HS6ST3: variants seen among roughly 807,000 people sequenced by gnomAD.
HS6ST3 encodes the protein heparan-sulfate 6-O-sulfotransferase 3.
Under a neutral mutation model 36.7 loss-of-function variants are expected in HS6ST3, and 12 were observed. The observed-to-expected ratio is 0.33, with a 90% CI of 0.21 to 0.53. The LOEUF (loss-of-function observed/expected upper bound fraction) is 0.53, where lower values mean the gene tolerates loss of function less well. Among genes scored for constraint, HS6ST3 ranks in the 20% least tolerant of loss-of-function variants. HS6ST3 has a pLI of 0.95. For synonymous variants in HS6ST3, 240 were observed against 257.5 expected (o/e 0.93, Z 0.65); for missense variants, 584 against 640.9 (o/e 0.91, Z 0.96).
chr13:96,168,472 G>A (rs78032617), intron 1 of HS6ST3, among the ~76,000 whole-genome samples: 3,816 of 152,102 alleles, frequency 0.025, 62 homozygotes, highest in East Asian at 0.055. Context: ...TTGGGTGGCC[G>A]GAGCAGGGGG....
chr13:96,736,893 A>G (rs1018186793), intron 1 of HS6ST3, among the ~76,000 whole-genome samples: 2 of 152,228 alleles, frequency 1.3e-5, no homozygotes, highest in Non-Finnish European at 2.9e-5. Flanking sequence ...AAACTGTAAT[A>G]CATTCAGAAG....
intron 1 of HS6ST3, among the ~76,000 whole-genome samples, chr13:96,475,806 C>G (rs1462650390): frequency 6.6e-6 from 1 of 152,102 alleles, no homozygotes; most frequent in African/African-American, 2.4e-5. Flanking sequence ...GTAAGCCAAA[C>G]AGACCTCTAT....
intron 1 of HS6ST3, among the ~76,000 whole-genome samples, chr13:96,219,865 G>T (rs1009679426): frequency 6.6e-6 from 1 of 152,092 alleles, no homozygotes; most frequent in Non-Finnish European, 1.5e-5. Flanking sequence ...TGTATTTTTA[G>T]TAGAGATGGG....
chr13:96,544,197 C>G (rs1011185196), intron 1 of HS6ST3, among the ~76,000 whole-genome samples: 1 of 152,122 alleles, frequency 6.6e-6, no homozygotes, highest in Non-Finnish European at 1.5e-5. Flanking sequence ...CTGATAAACT[C>G]AAATCTGGAA....
intron 1 of HS6ST3, among the ~76,000 whole-genome samples, chr13:96,248,327 T>G (rs1216613407): frequency 6.6e-6 from 1 of 152,110 alleles, no homozygotes; most frequent in Non-Finnish European, 1.5e-5. Context: ...TCCCCCATCC[T>G]TTTCCCAGAG....
intron 1 of HS6ST3, among the ~76,000 whole-genome samples, chr13:96,205,472 T>C (rs895314104): frequency 8.5e-5 from 13 of 152,314 alleles, no homozygotes; most frequent in African/African-American, 2.9e-4. Context: ...CTCTGACTCA[T>C]TCTGTGAGGC....
At chr13:96,248,668 T>G (rs1332410066) in intron 1 of HS6ST3, among the ~76,000 whole-genome samples, 1 of 152,194 alleles carries the variant, frequency 6.6e-6, no homozygotes, top group East Asian at 1.9e-4. Flanking sequence ...GTGTTTACAG[T>G]GATTTTATTC....
At chr13:96,103,253 C>T (rs946974726) in intron 1 of HS6ST3, among the ~76,000 whole-genome samples, 9 of 152,328 alleles carry the variant, frequency 5.9e-5, no homozygotes, top group Non-Finnish European at 1.2e-4. Flanking sequence ...GCAAAGAGAA[C>T]TTCTGCATTG....
chr13:96,182,209 A>G (rs2054243447), intron 1 of HS6ST3, among the ~76,000 whole-genome samples: 1 of 152,154 alleles, frequency 6.6e-6, no homozygotes, highest in South Asian at 2.1e-4. Flanking sequence ...TCTTACATTA[A>G]TTTGAGTTTC....
intron 1 of HS6ST3, among the ~76,000 whole-genome samples, chr13:96,332,799 A>G (rs561203477): frequency 2.0e-5 from 3 of 152,380 alleles, no homozygotes; most frequent in African/African-American, 7.2e-5. Context: ...TCAGAAACAC[A>G]TAATACATTG....
chr13:96,231,672 G>A (rs1206176496), intron 1 of HS6ST3, among the ~76,000 whole-genome samples: 1 of 152,154 alleles, frequency 6.6e-6, no homozygotes, highest in African/African-American at 2.4e-5. Context: ...TGAGATTTGG[G>A]CAGGGACACA....
At chr13:96,614,297 C>CA (rs67979751) in intron 1 of HS6ST3, among the ~76,000 whole-genome samples, 679 of 44,002 alleles carry the variant, frequency 0.015, 107 homozygotes, top group East Asian at 0.028. Context: ...GGATCCATCT[C>CA]AAAAAAAAAA....
rs543382435 is a variant in HS6ST3, at chr13:96,199,942, G to A, written c.707+108373G>A. Among the ~76,000 whole-genome samples the A allele has an allele frequency of 1.2e-4, 19 of 152,114 alleles. 1 individual carries two copies. The highest frequency in any genetic ancestry group is 3.4e-4 in the African/African-American group (14 of 41,504). The stretch of plus-strand genomic sequence containing the variant: ...AGAGTAGCCACCAGCCTTGGTAGCC[G>A]ACTTCTAGACTCTTTTCAGGAGCGG... On this transcript the variant is annotated intron_variant, in intron 1 of 1. Transcript: ENST00000376705.
At chr13:96,718,892 G>A (rs115295473) in intron 1 of HS6ST3, among the ~76,000 whole-genome samples, 85 of 152,260 alleles carry the variant, frequency 5.6e-4, no homozygotes, top group African/African-American at 2.0e-3. Context: ...TAGTAAAGGT[G>A]TACCTTTATA....
In HS6ST3 at chr13:96,439,380, C is replaced by T. The variant is rs9584367; in HGVS notation, c.707+347811C>T. Among the ~76,000 whole-genome samples the T allele has an allele frequency of 3.9e-3, 595 of 152,290 alleles. 5 individuals are homozygous for T. The highest frequency in any genetic ancestry group is 0.014 in the African/African-American group (568 of 41,560). ...TCTCTTAAATTATAGCAAGATGGTTCCGTTTGTCACGTAGAAATAAAATGC... is the reference window on the plus strand; with the variant it reads ...TCTCTTAAATTATAGCAAGATGGTTTCGTTTGTCACGTAGAAATAAAATGC... On this transcript the variant is annotated intron_variant, in intron 1 of 1. Transcript: ENST00000376705.
intron 1 of HS6ST3, among the ~76,000 whole-genome samples, chr13:96,331,031 C>T (rs1384761538): frequency 6.6e-6 from 1 of 152,138 alleles, no homozygotes; most frequent in Admixed American, 6.5e-5. Context: ...TTTTCAGCTC[C>T]ATCAGCTCCT....
chr13:96,467,897 C>T (rs1192299796), intron 1 of HS6ST3, among the ~76,000 whole-genome samples: 1 of 152,142 alleles, frequency 6.6e-6, no homozygotes, highest in African/African-American at 2.4e-5. Flanking sequence ...TGGCATTCAA[C>T]TTCAGTGTGA....
chr13:96,800,315 A>T (rs1878036296), intron 1 of HS6ST3, among the ~76,000 whole-genome samples: 1 of 150,724 alleles, frequency 6.6e-6, no homozygotes, highest in Non-Finnish European at 1.5e-5. Flanking sequence ...TTTTTAGCAC[A>T]TTGTGCTGCC....
chr13:96,490,616 CTG>C (rs377607566), intron 1 of HS6ST3, among the ~76,000 whole-genome samples: 27 of 152,278 alleles, frequency 1.8e-4, no homozygotes, highest in African/African-American at 6.3e-4. Context: ...GTTACAGACT[CTG>C]TCTTTCCAAG....
Sources: gnomAD v4.1 joint callset for allele counts (sites outside exome capture counted in the v4.1 genomes callset) on GRCh38, gnomAD v4.1.1 for gene constraint, MANE v1.5 for transcripts, NCBI Gene and HGNC (gene_info 2026-07-23, HGNC 2026-07-21) for gene names.